Variants in CERS6 observed in about 807,000 individuals in gnomAD.
CERS6 encodes the protein LAG1 homolog, ceramide synthase 6.
A neutral mutation model predicts 56.8 loss-of-function variants in CERS6; 26 were observed. The ratio of observed to expected loss-of-function variants is 0.46; its 90% CI spans 0.34 to 0.63. The LOEUF (loss-of-function observed/expected upper bound fraction) is 0.63. Ranked by LOEUF, CERS6 falls within the 30% of genes least tolerant of loss-of-function variation. CERS6 has a pLI of 0.01. For synonymous variants in CERS6, 164 were observed against 173.3 expected (o/e 0.95, Z 0.42); for missense variants, 415 against 467.5 (o/e 0.89, Z 1.04).
rs147304109 is a variant in CERS6, at chr2:168,534,789, A to G, written c.171-12807A>G. ...GGTGTGCCTCACTGTGGGGAAACAC[A>G]GTCATCTGGGCTGCCCAGATTCCTC... On this transcript the variant is annotated intron_variant, in intron 1 of 9. Coordinates refer to ENST00000305747, the MANE Select transcript of CERS6 (RefSeq NM_203463.3). Among the ~76,000 whole-genome samples, 1,013 of 152,338 alleles carry G rather than the reference A, an allele frequency of 6.6e-3. 9 individuals carry two copies. The highest frequency in any genetic ancestry group is 0.022 in the African/African-American group (900 of 41,578).
chr2:168,467,173 G>A (rs1406428536), intron 1 of CERS6, among the ~76,000 whole-genome samples: 2 of 152,204 alleles, frequency 1.3e-5, no homozygotes, highest in African/African-American at 2.4e-5. Context: ...TTAAGAGTGG[G>A]GGAGGGTGTT....
At chr2:168,701,243 C>T (rs1160702577) in intron 6 of CERS6, among the ~76,000 whole-genome samples, 2 of 152,196 alleles carry the variant, frequency 1.3e-5, no homozygotes, top group African/African-American at 4.8e-5. Flanking sequence ...CATATCTTAG[C>T]TTATCCTGAC....
chr2:168,456,651 C>T lies in CERS6; in HGVS notation c.170+33C>T, dbSNP rs780263043. On this transcript the variant is annotated intron_variant, in intron 1 of 9. Coordinates refer to ENST00000305747, the MANE Select transcript of CERS6 (RefSeq NM_203463.3). This position sits in a 1 kb window ranked among gnomAD's most constrained non-coding sequence, Gnocchi z 4.1. ...GGGCTGAAGCCCCTCCTCCCCTCCCCCTGCGCACACACACGCGCGCACACA... is the reference window on the plus strand; with the variant it reads ...GGGCTGAAGCCCCTCCTCCCCTCCCTCTGCGCACACACACGCGCGCACACA... 5 of 1,601,370 alleles carry T rather than the reference C, an allele frequency of 3.1e-6. No homozygotes were observed. The highest frequency in any genetic ancestry group is 4.3e-6 in the Non-Finnish European group (5 of 1,172,420).
chr2:168,576,002 G>A (rs759785806), intron 3 of CERS6, among the ~76,000 whole-genome samples: 5 of 152,158 alleles, frequency 3.3e-5, no homozygotes, highest in Admixed American at 6.5e-5. Context: ...GGAGCACAGA[G>A]CGTTTATTTG....
At chr2:168,471,367 C>G (rs1005321569) in intron 1 of CERS6, among the ~76,000 whole-genome samples, 19 of 152,162 alleles carry the variant, frequency 1.2e-4, no homozygotes, top group African/African-American at 4.6e-4. Context: ...GAGCTTTCAC[C>G]TCAACTTTTG....
At chr2:168,677,381 G>T (rs893856486) in intron 4 of CERS6, among the ~76,000 whole-genome samples, 9 of 152,076 alleles carry the variant, frequency 5.9e-5, no homozygotes, top group Non-Finnish European at 1.3e-4. Context: ...GTATTCCATG[G>T]TCTATATGTG....
Position 168,641,364 on chromosome 2 carries a change from C to A in CERS6, c.465+10322C>A, listed in dbSNP as rs1041516133. 2.6e-5 allele frequency among the ~76,000 whole-genome samples: 4 copies of A among 152,254 alleles called. No individual in the cohort carries two copies. The South Asian group carries it at 8.3e-4, about 32-fold the overall frequency. ...CCATAGAAACTGCACGGAACAAAGT[C>A]CCCAGCTTTTCCTCTGGACGTTAGC... On this transcript the variant is annotated intron_variant, in intron 4 of 9. Transcript: ENST00000305747.
At chr2:168,548,049 C>G (rs1695498881) in intron 2 of CERS6, among the ~76,000 whole-genome samples, 1 of 152,066 alleles carries the variant, frequency 6.6e-6, no homozygotes, top group Non-Finnish European at 1.5e-5. Context: ...CTGGGTGGAG[C>G]TGAAGAATGT....
At chr2:168,555,101 A>G (rs1402192971) in intron 2 of CERS6, among the ~76,000 whole-genome samples, 1 of 152,096 alleles carries the variant, frequency 6.6e-6, no homozygotes, top group East Asian at 1.9e-4. Context: ...CTATATTCTG[A>G]ATGTAGAGAC....
chr2:168,630,794 A>G (rs1411781555), intron 3 of CERS6, among the ~76,000 whole-genome samples, 191 bp from the exon 4 acceptor site: 1 of 152,168 alleles, frequency 6.6e-6, no homozygotes, highest in Non-Finnish European at 1.5e-5. Flanking sequence ...AATACTCAAA[A>G]TATTTTCTAT....
chr2:168,550,120 A>G (rs1574059131), intron 2 of CERS6, among the ~76,000 whole-genome samples: 1 of 152,194 alleles, frequency 6.6e-6, no homozygotes, highest in East Asian at 1.9e-4. Flanking sequence ...ATACAAAAAC[A>G]TAAAGCTTTT....
chr2:168,614,265 CAT>C (rs1313061043), intron 3 of CERS6, among the ~76,000 whole-genome samples: 2 of 152,208 alleles, frequency 1.3e-5, no homozygotes, highest in Non-Finnish European at 2.9e-5. Flanking sequence ...TGTGTATACA[CAT>C]ATTTTCATAA....
At chr2:168,483,730 A>T (rs1280999199) in intron 1 of CERS6, among the ~76,000 whole-genome samples, 1 of 152,232 alleles carries the variant, frequency 6.6e-6, no homozygotes, top group Non-Finnish European at 1.5e-5. Context: ...ATTCTCTCAC[A>T]GTGGAATAGA....
intron 3 of CERS6, among the ~76,000 whole-genome samples, chr2:168,617,607 T>C (rs1202371018): frequency 1.3e-5 from 2 of 152,114 alleles, no homozygotes; most frequent in African/African-American, 4.8e-5. Flanking sequence ...TAAACACCTC[T>C]ACACCCGTAA....
intron 4 of CERS6, among the ~76,000 whole-genome samples, chr2:168,647,850 G>A (rs981488840): frequency 7.9e-5 from 12 of 152,068 alleles, no homozygotes; most frequent in Admixed American, 3.3e-4. Flanking sequence ...TTTGCATCCC[G>A]GGGATGAAGC....
chr2:168,612,912 T>C (rs942532931), intron 3 of CERS6, among the ~76,000 whole-genome samples: 2 of 152,194 alleles, frequency 1.3e-5, no homozygotes, highest in Non-Finnish European at 2.9e-5. Context: ...CTGTCATGAT[T>C]AATCAATTGA....
intron 3 of CERS6, among the ~76,000 whole-genome samples, chr2:168,626,913 C>T (rs1369292661): frequency 6.6e-6 from 1 of 152,126 alleles, no homozygotes; most frequent in African/African-American, 2.4e-5. Flanking sequence ...GCTTTCCAGG[C>T]CCTGAAACAG....
intron 1 of CERS6, among the ~76,000 whole-genome samples, chr2:168,515,121 C>G (rs981674215): frequency 2.6e-5 from 4 of 152,150 alleles, no homozygotes; most frequent in African/African-American, 7.2e-5. Context: ...TTCTCCTTAA[C>G]CTTTAAAATT....
At chr2:168,557,256 G>T (rs1315171948) in intron 2 of CERS6, among the ~76,000 whole-genome samples, 1 of 152,128 alleles carries the variant, frequency 6.6e-6, no homozygotes, top group East Asian at 1.9e-4. Flanking sequence ...ACATAGCAAG[G>T]TATGTGCAAG....
Sources: gnomAD v4.1 joint callset for allele counts (sites outside exome capture counted in the v4.1 genomes callset) on GRCh38, gnomAD v4.1.1 for gene constraint, Gnocchi (gnomAD v3.1) non-coding constraint, MANE v1.5 for transcripts, NCBI Gene and HGNC (gene_info 2026-07-23, HGNC 2026-07-21) for gene names.